The following SLC13A3 variants were observed in gnomAD, a reference collection of about 807,000 sequenced individuals.
SLC13A3 encodes the protein Na(+)/dicarboxylate cotransporter 3.
In SLC13A3, 40 loss-of-function variants were observed where a neutral mutation model predicts 59.0. That is an observed-to-expected ratio of 0.68 (90% CI 0.53 to 0.88). The LOEUF is 0.88. SLC13A3 is among the 40% of genes least tolerant of loss of function. SLC13A3 has a pLI of 0.00. For missense variants in SLC13A3, 699 were observed against 783.2 expected (o/e 0.89, Z 1.28); for synonymous variants, 317 against 330.3 (o/e 0.96, Z 0.44).
chr20:46,644,430 A>G (rs2062874712), intron 1 of SLC13A3, among the ~76,000 whole-genome samples: 1 of 152,224 alleles, frequency 6.6e-6, no homozygotes, highest in Admixed American at 6.5e-5. Context: ...TGCTACCAGC[A>G]TCTCCCATTT....
rs1430670918 is a variant in SLC13A3, at chr20:46,651,368, C to T, written c.54G>A (p.Leu18=). The T allele has an allele frequency of 2.6e-6, 4 of 1,510,732 alleles. No individual in the cohort carries two copies. Among genetic ancestry groups the T allele is most frequent in the Non-Finnish European group, 3.5e-6 (4 of 1,132,968 alleles). 93.6% of individuals were successfully genotyped at this position (1,510,732 alleles called of 1,614,324 possible). A position where few individuals can be genotyped will look rare whatever the true frequency, so the allele number is the denominator to read the frequency against. ...AKKVWSARRL[L]VLLFTPLALL... is the part of the protein sequence containing the mutation. ...GCGCGAGCGGCGTGAACAGCAGCAC[C>T]AGCAGCCGCCGCGCGCTCCACACCT... The change falls in exon 1 of 13, where the codon CTG becomes CTA. Residue 18 remains leucine, a synonymous_variant. Coordinates refer to ENST00000279027, the MANE Select transcript of SLC13A3 (RefSeq NM_022829.6).
chr20:46,587,838 A>G (rs1233027855), intron 8 of SLC13A3, among the ~76,000 whole-genome samples: 1 of 152,174 alleles, frequency 6.6e-6, no homozygotes, highest in African/African-American at 2.4e-5. Context: ...GTTTAGTCTG[A>G]CTCCAAATCC....
intron 1 of SLC13A3, among the ~76,000 whole-genome samples, chr20:46,618,035 T>C (rs1464601398): frequency 6.6e-6 from 1 of 152,168 alleles, no homozygotes; most frequent in African/African-American, 2.4e-5. Context: ...AATTAACTCT[T>C]GGACCCCTTC....
Position 46,600,042 on chromosome 20 carries a change from GA to G in SLC13A3, c.542-6del. ...GGCCGTTTCTCCGCACAGCAGCTAG[GA>G]GGAAAGAGCATGATGTCTTTAATGT... On this transcript the variant is annotated splice_region_variant and splice_polypyrimidine_tract_variant and intron_variant, in intron 3 of 12. Coordinates refer to ENST00000279027, the MANE Select transcript of SLC13A3 (RefSeq NM_022829.6). 6.4e-7 allele frequency: 1 copy of G among 1,558,076 alleles called. No homozygotes were observed. Among genetic ancestry groups the G allele is most frequent in the Non-Finnish European group, 8.8e-7 (1 of 1,141,336 alleles).
chr20:46,602,039 A>C (rs1011331541), intron 3 of SLC13A3, among the ~76,000 whole-genome samples: 2 of 152,126 alleles, frequency 1.3e-5, no homozygotes, highest in African/African-American at 4.8e-5. Flanking sequence ...TTTGTTTTTA[A>C]AGTTATTTCT....
rs1311714607 is a variant in SLC13A3, at chr20:46,606,168, T to C, written c.541+4278A>G. On this transcript the variant is annotated intron_variant, in intron 3 of 12. Coordinates refer to ENST00000279027, the MANE Select transcript of SLC13A3 (RefSeq NM_022829.6). Reference sequence around the variant, plus strand: ...GCTTGGAACCTGTGGAGGAGACAGATTATAAACCAGGAAGCAAATCAATCC... The same window carrying C: ...GCTTGGAACCTGTGGAGGAGACAGACTATAAACCAGGAAGCAAATCAATCC... Among the ~76,000 whole-genome samples, 6 of 152,116 alleles carry C rather than the reference T, an allele frequency of 3.9e-5. No individual in the cohort carries two copies. The East Asian group carries it at 9.6e-4, about 24-fold the overall frequency.
intron 9 of SLC13A3, among the ~76,000 whole-genome samples, chr20:46,578,067 T>C (rs2062096818): frequency 6.6e-6 from 1 of 152,028 alleles, no homozygotes; most frequent in Non-Finnish European, 1.5e-5. Context: ...AGTGGTGCGA[T>C]CTCGGCTCAC....
upstream of SLC13A3, among the ~76,000 whole-genome samples, chr20:46,672,825 C>A (rs2063101032): frequency 6.6e-6 from 1 of 152,116 alleles, no homozygotes; most frequent in African/African-American, 2.4e-5. Flanking sequence ...GACTTCCAGC[C>A]AGCCCTATCA....
intron 1 of SLC13A3, among the ~76,000 whole-genome samples, chr20:46,617,194 C>G (rs993311903): frequency 6.6e-6 from 1 of 152,206 alleles, no homozygotes; most frequent in Non-Finnish European, 1.5e-5. Context: ...AGAGAAAAAG[C>G]TTGATCCAAG....
rs555068085 is a variant in SLC13A3 at position 46,680,605 on chromosome 20, C to G, written c.-31+3791G>C. Among the ~76,000 whole-genome samples the G allele has an allele frequency of 3.3e-5, 5 of 152,324 alleles. No homozygotes were observed. In the East Asian group the frequency reaches 9.7e-4, roughly 29 times the overall value. On this transcript the variant is annotated intron_variant, in intron 1 of 6. Coordinates refer to the SLC13A3 transcript ENST00000372121. The stretch of plus-strand genomic sequence containing the variant: ...TCCCTTCCAGGCGTGACACCCCCAA[C>G]GACTGCATAATGTGAGACTGCAAAG...
In SLC13A3 at chr20:46,590,682, C is replaced by G. The variant is rs1454305708; in HGVS notation, c.921-1427G>C. On this transcript the variant is annotated intron_variant, in intron 6 of 12. Coordinates refer to ENST00000279027, the MANE Select transcript of SLC13A3 (RefSeq NM_022829.6). ...ACTTTGCTGCAAGGAAGCAGACACT[C>G]TCATACATTGTTCATGGGAGAGGAA... Among the ~76,000 whole-genome samples the G allele has an allele frequency of 3.9e-5, 6 of 152,222 alleles. No individual in the cohort carries two copies. In the East Asian group the frequency reaches 7.7e-4, roughly 20 times the overall value.
rs2273024 is a variant in SLC13A3, at chr20:46,613,630, G to C, written c.207C>G (p.Leu69=). 540,577 of 1,610,544 alleles carry C rather than the reference G, an allele frequency of 0.34. 92,184 individuals carry two copies. Among genetic ancestry groups the C allele is most frequent in the Middle Eastern group, 0.44 (2,686 of 6,054 alleles). Residue 69 remains leucine, a synonymous_variant, in exon 2 of 13, where the codon CTC becomes CTG. Transcript: ENST00000279027. ...LSVTALLPIV[L]FPFMGILPSN... ...AGGGCAAGATGCCCATGAAGGGGAA[G>C]AGGACGATGGGCAGCAGCGCCGTCA...
chr20:46,651,460 G>A (rs2062951762), upstream of SLC13A3: 3 of 1,377,178 alleles, frequency 2.2e-6, no homozygotes, highest in South Asian at 1.7e-5. Context: ...GCCCGGGACT[G>A]CCCCGCCTGG....
At chr20:46,626,787 G>T (rs1482641477) in intron 1 of SLC13A3, among the ~76,000 whole-genome samples, 2 of 134,926 alleles carry the variant, frequency 1.5e-5, no homozygotes, top group African/African-American at 5.5e-5. Context: ...GAGCACTGAG[G>T]CCTGTAAAAT....
chr20:46,660,069 C>G (rs528276299), intron 1 of SLC13A3, among the ~76,000 whole-genome samples: 1 of 152,250 alleles, frequency 6.6e-6, no homozygotes, highest in South Asian at 2.1e-4. Flanking sequence ...TTGAATTACA[C>G]AACATATTGT....
intron 11 of SLC13A3, 74 bp from the exon 12 acceptor site, chr20:46,563,625 A>AGAGAGG: frequency 1.3e-6 from 2 of 1,489,582 alleles, no homozygotes; most frequent in Non-Finnish European, 1.8e-6. Context: ...GGAGAGAGAG[A>AGAGAGG]GAGAGAGGCA....
rs993186918 is a variant in SLC13A3 at position 46,651,438 on chromosome 20, C to T, written c.-17G>A. On this transcript the variant is annotated 5_prime_UTR_variant, in exon 1 of 13. Coordinates refer to ENST00000279027, the MANE Select transcript of SLC13A3 (RefSeq NM_022829.6). ...CGCCGCCATCAGCGCGATCGCCTGG[C>T]GGTACGGGCCGGCCCGGGACTGCCC... The T allele has an allele frequency of 1.4e-6, 2 of 1,410,026 alleles. No homozygotes were observed. Among genetic ancestry groups the T allele is most frequent in the Admixed American group, 5.0e-5 (2 of 40,344 alleles). 87.3% of individuals were successfully genotyped at this position (1,410,026 alleles called of 1,614,324 possible). A position where few individuals can be genotyped will look rare whatever the true frequency, so the allele number is the denominator to read the frequency against.
At chr20:46,574,726 T>A (rs454103) in intron 10 of SLC13A3, among the ~76,000 whole-genome samples, 6 of 151,970 alleles carry the variant, frequency 3.9e-5, no homozygotes, top group South Asian at 2.1e-4. Flanking sequence ...GTACTGTATC[T>A]CTCTGTGTCT....
intron 1 of SLC13A3, among the ~76,000 whole-genome samples, chr20:46,625,655 T>G (rs1291433398): frequency 1.3e-5 from 2 of 152,206 alleles, no homozygotes; most frequent in African/African-American, 4.8e-5. Flanking sequence ...TGCTGCAATT[T>G]CTATCACTAT....
Sources: allele counts gnomAD v4.1 joint callset (sites outside exome capture counted in the v4.1 genomes callset), GRCh38; gene constraint gnomAD v4.1.1; transcripts MANE v1.5; gene names NCBI Gene and HGNC (gene_info 2026-07-23, HGNC 2026-07-21).